The following CCDC28A variants were observed in gnomAD, a reference collection of about 807,000 sequenced individuals.
CCDC28A encodes coiled-coil domain-containing protein 28A.
CCDC28A carries 24 observed loss-of-function variants against 22.1 expected under a neutral mutation model. That is an observed-to-expected ratio of 1.09 (90% confidence interval 0.79 to 1.53). The LOEUF (loss-of-function observed/expected upper bound fraction) is 1.53. Among genes scored for constraint, CCDC28A ranks in the 40% most tolerant of loss-of-function variants. The pLI, the probability that CCDC28A is intolerant of heterozygous loss-of-function variation, is 0.00. For missense variants in CCDC28A, 170 were observed against 210.7 expected (o/e 0.81, Z 1.20); for synonymous variants, 83 against 74.7 (o/e 1.11, Z -0.57).
At chr6:138,789,859 A>G (rs78731155) in intron 5 of CCDC28A, among the ~76,000 whole-genome samples, 4,226 of 152,268 alleles carry the variant, frequency 0.028, 99 homozygotes, top group East Asian at 0.085. Context: ...AATCTTCATG[A>G]ATACTTACTA....
At chr6:138,791,906 G>T (rs982670264) in intron 5 of CCDC28A, among the ~76,000 whole-genome samples, 3 of 152,214 alleles carry the variant, frequency 2.0e-5, no homozygotes, top group African/African-American at 7.2e-5. Flanking sequence ...GTTGCCTTCA[G>T]TGTATTCATA....
chr6:138,781,891 A>G (rs1302315001), intron 3 of CCDC28A, among the ~76,000 whole-genome samples: 1 of 152,172 alleles, frequency 6.6e-6, no homozygotes, highest in African/African-American at 2.4e-5. Flanking sequence ...ATTCTCAAAC[A>G]TGTCTGTATC....
chr6:138,792,930 A>G lies in CCDC28A; in HGVS notation c.*127A>G, dbSNP rs1228687085. 7.5e-6 allele frequency: 5 copies of G among 666,510 alleles called. No individual in the cohort carries two copies. The highest frequency in any genetic ancestry group is 1.3e-5 in the Non-Finnish European group (5 of 377,344). The allele number at this position is 666,510 out of a possible 1,614,324, so 41.3% of individuals were successfully genotyped here. On this transcript the variant is annotated 3_prime_UTR_variant, in exon 6 of 6. Transcript: ENST00000617445. ...AAGTAATTAAAGTGCAAGTTCAATG[A>G]TCGTTTTCACTTACTGCTTTTAGTA...
intron 5 of CCDC28A, among the ~76,000 whole-genome samples, 175 bp downstream of exon 5, chr6:138,788,563 C>CTTTTTTTTT (rs1775126559): frequency 4.4e-5 from 4 of 91,744 alleles, no homozygotes; most frequent in African/African-American, 1.6e-4. Context: ...TCTCTTTTTT[C>CTTTTTTTTT]TTTTCTTTTT....
At chr6:138,782,066 CCT>C (rs902858187) in intron 3 of CCDC28A, among the ~76,000 whole-genome samples, 3 of 152,108 alleles carry the variant, frequency 2.0e-5, no homozygotes, top group Non-Finnish European at 4.4e-5. Context: ...TTTCACTTCC[CCT>C]CTCTTCCCTT....
intron 2 of CCDC28A, among the ~76,000 whole-genome samples, chr6:138,777,212 C>T (rs539184652): frequency 2.0e-5 from 3 of 152,274 alleles, no homozygotes; most frequent in East Asian, 1.9e-4. Context: ...ATTCTGTAGC[C>T]GCTGGGTTTA....
chr6:138,786,119 T>C (rs562794640), intron 4 of CCDC28A, among the ~76,000 whole-genome samples: 1 of 152,340 alleles, frequency 6.6e-6, no homozygotes, highest in African/African-American at 2.4e-5. Flanking sequence ...CTGAGGCCTC[T>C]CAGTTTGTAG....
At chr6:138,776,040 T>C in intron 1 of CCDC28A, 39 bp from the exon 2 acceptor site, 1 of 1,492,530 alleles carries the variant, frequency 6.7e-7, no homozygotes, top group Non-Finnish European at 9.3e-7. Flanking sequence ...TGTTTGCATA[T>C]TATAGCATAC....
intron 5 of CCDC28A, among the ~76,000 whole-genome samples, chr6:138,792,056 T>C (rs1234069805): frequency 6.6e-6 from 1 of 152,214 alleles, no homozygotes; most frequent in Non-Finnish European, 1.5e-5. Flanking sequence ...TGAGGAACAA[T>C]TAAGAGAATT....
rs775033630 is a variant in CCDC28A at position 138,788,392 on chromosome 6, T to C, written c.500+4T>C. ...TAGAAGAATTGAATTCTTCCATGTA[T>C]CCTTTGTCTGCTATCAACAGTGAAA... On this transcript the variant is annotated splice_donor_region_variant and intron_variant, in intron 5 of 5. Coordinates refer to ENST00000617445, the MANE Select transcript of CCDC28A (RefSeq NM_015439.3). 5.5e-6 allele frequency: 7 copies of C among 1,262,048 alleles called. No homozygotes were observed. Among genetic ancestry groups the C allele is most frequent in the Non-Finnish European group, 2.2e-6 (2 of 918,216 alleles). 78.2% of individuals were successfully genotyped at this position (1,262,048 alleles called of 1,614,324 possible). A position where few individuals can be genotyped will look rare whatever the true frequency, so the allele number is the denominator to read the frequency against.
chr6:138,774,003 C>T, intron 1 of CCDC28A, 101 bp downstream of exon 1: 6 of 1,399,372 alleles, frequency 4.3e-6, no homozygotes, highest in Non-Finnish European at 2.9e-6. Flanking sequence ...GTCATCGCTT[C>T]GGTAGATTGG....
chr6:138,782,407 G>A lies in CCDC28A; in HGVS notation c.322+2422G>A, dbSNP rs368393077. Among the ~76,000 whole-genome samples the A allele has an allele frequency of 1.4e-4, 22 of 152,056 alleles. 1 individual carries two copies. The highest frequency in any genetic ancestry group is 5.3e-4 in the African/African-American group (22 of 41,390). On this transcript the variant is annotated intron_variant, in intron 3 of 5. Coordinates refer to ENST00000617445, the MANE Select transcript of CCDC28A (RefSeq NM_015439.3). ...CATCAATCTGCCTGGGAATCAGTGA[G>A]CCCTTCATATCTGCTGACTCATCTT...
chr6:138,779,786 A>G, intron 2 of CCDC28A, 36 bp from the exon 3 acceptor site: 1 of 1,542,892 alleles, frequency 6.5e-7, no homozygotes, highest in Non-Finnish European at 8.7e-7. Context: ...TTAATCTAGA[A>G]TAGCCTAAAA....
chr6:138,785,781 A>T (rs763320050), intron 4 of CCDC28A, among the ~76,000 whole-genome samples: 7 of 152,202 alleles, frequency 4.6e-5, no homozygotes, highest in Non-Finnish European at 7.3e-5. Context: ...ATGTATTCTC[A>T]GAATACAGAT....
intron 4 of CCDC28A, 113 bp from the exon 5 acceptor site, chr6:138,788,253 G>A: frequency 2.3e-6 from 1 of 434,414 alleles, no homozygotes; most frequent in Non-Finnish European, 4.1e-6. Flanking sequence ...GGGTCACTGT[G>A]ACCAGCACAA....
intron 5 of CCDC28A, among the ~76,000 whole-genome samples, chr6:138,792,484 T>G (rs912923002): frequency 6.8e-6 from 1 of 147,488 alleles, no homozygotes; most frequent in Admixed American, 6.8e-5. Context: ...ATCGTATTAC[T>G]GCATTCCAGC....
intron 1 of CCDC28A, among the ~76,000 whole-genome samples, chr6:138,774,894 G>C (rs1376226007): frequency 6.6e-6 from 1 of 152,228 alleles, no homozygotes; most frequent in Non-Finnish European, 1.5e-5. Context: ...ATGAAGTTAA[G>C]AAAAATTTAA....
At chr6:138,774,673 C>T (rs556850675) in intron 1 of CCDC28A, among the ~76,000 whole-genome samples, 16 of 152,308 alleles carry the variant, frequency 1.1e-4, no homozygotes, top group Middle Eastern at 3.4e-3. Context: ...GCCAGTGGCA[C>T]TAAGTCCAGG....
At chr6:138,791,396 A>G (rs893162291) in intron 5 of CCDC28A, among the ~76,000 whole-genome samples, 6 of 152,082 alleles carry the variant, frequency 3.9e-5, no homozygotes, top group Non-Finnish European at 5.9e-5. Flanking sequence ...TTGTATTTCT[A>G]TTGAACAGTG....
Sources: allele counts gnomAD v4.1 joint callset (sites outside exome capture counted in the v4.1 genomes callset), GRCh38; gene constraint gnomAD v4.1.1; transcripts MANE v1.5; gene names NCBI Gene and HGNC (gene_info 2026-07-23, HGNC 2026-07-21).